The following ADAMTSL1 variants were observed in gnomAD, a reference collection of about 807,000 sequenced individuals.
The protein encoded by ADAMTSL1 is ADAMTS-like protein 1.
In ADAMTSL1, 126 loss-of-function variants were observed where a neutral mutation model predicts 201.8. The ratio of observed to expected loss-of-function variants is 0.62; its 90% CI spans 0.54 to 0.72. The LOEUF (loss-of-function observed/expected upper bound fraction) is 0.72, where lower values mean the gene tolerates loss of function less well. Ranked by LOEUF, ADAMTSL1 falls within the 30% of genes least tolerant of loss-of-function variation. The probability of loss-of-function intolerance (pLI) is 0.00; values close to 1 mark genes in which losing one functional copy is unlikely to be tolerated. For missense variants in ADAMTSL1, 2,679 were observed against 2,277.8 expected (o/e 1.18, Z -3.59); for synonymous variants, 1,121 against 903.4 (o/e 1.24, Z -4.32).
At chr9:18,751,639 C>T (rs1162587862) in intron 15 of ADAMTSL1, among the ~76,000 whole-genome samples, 1 of 152,192 alleles carries the variant, frequency 6.6e-6, no homozygotes, top group Non-Finnish European at 1.5e-5. Context: ...GACTCAGATG[C>T]GGGCCCTACA....
chr9:18,772,460 C>G (rs148386556), intron 17 of ADAMTSL1, among the ~76,000 whole-genome samples: 2 of 152,088 alleles, frequency 1.3e-5, no homozygotes, highest in South Asian at 2.1e-4. Context: ...GTACAGTAGG[C>G]CTTCAGAACA....
intron 15 of ADAMTSL1, among the ~76,000 whole-genome samples, chr9:18,725,859 T>C (rs1309961978): frequency 6.6e-6 from 1 of 152,222 alleles, no homozygotes; most frequent in African/African-American, 2.4e-5. Flanking sequence ...CTTTTTCCCT[T>C]TGTAAATGGG....
At chr9:17,950,346 T>C (rs1827684106) in intron 1 of ADAMTSL1, among the ~76,000 whole-genome samples, 1 of 152,042 alleles carries the variant, frequency 6.6e-6, no homozygotes. Flanking sequence ...AATTACATTT[T>C]GTTACATATT....
intron 2 of ADAMTSL1, among the ~76,000 whole-genome samples, chr9:18,329,240 A>C (rs2132896629): frequency 6.6e-6 from 1 of 152,340 alleles, no homozygotes; most frequent in African/African-American, 2.4e-5. Context: ...ACTGAATCTT[A>C]ATCTTGGGCT....
intron 2 of ADAMTSL1, among the ~76,000 whole-genome samples, chr9:18,426,816 C>T (rs1439251077): frequency 6.6e-6 from 1 of 152,148 alleles, no homozygotes; most frequent in Non-Finnish European, 1.5e-5. Flanking sequence ...AATTTTTATG[C>T]TCGTAATCTG....
chr9:17,907,144 T>A (rs908231476), intron 1 of ADAMTSL1, among the ~76,000 whole-genome samples: 2 of 152,188 alleles, frequency 1.3e-5, no homozygotes, highest in African/African-American at 4.8e-5. Flanking sequence ...CCCAGCTTCC[T>A]GGGACCCTGT....
At chr9:18,474,046 G>A (rs1432933211), upstream of ADAMTSL1, 8 of 544,624 alleles carry the variant, frequency 1.5e-5, no homozygotes, top group East Asian at 2.1e-4. Flanking sequence ...TGCTCCGAGA[G>A]AGATTCCATT....
chr9:18,762,642 C>T (rs180857135), intron 16 of ADAMTSL1, among the ~76,000 whole-genome samples: 2 of 152,084 alleles, frequency 1.3e-5, no homozygotes, highest in East Asian at 3.9e-4. Context: ...TCCCCCTCAG[C>T]CCCTCACTAC....
rs115857054 is a variant in ADAMTSL1 at position 17,958,740 on chromosome 9, G to A, written c.87+51818G>A. ...CCGTATTTCTTCCATGCCAAAGAAG[G>A]AAAAAAAGCCTTAAAAATTACATTG... On this transcript the variant is annotated intron_variant, in intron 1 of 29. Transcript: ENST00000680146. Among the ~76,000 whole-genome samples the A allele has an allele frequency of 2.9e-3, 436 of 151,992 alleles. 3 individuals carry two copies. The highest frequency in any genetic ancestry group is 0.01 in the African/African-American group (417 of 41,488).
chr9:18,580,752 G>T (rs991262054), intron 4 of ADAMTSL1, among the ~76,000 whole-genome samples: 2 of 151,996 alleles, frequency 1.3e-5, no homozygotes, highest in African/African-American at 4.8e-5. Context: ...TTTTACTTAG[G>T]AATTAACAGT....
chr9:17,994,437 C>T (rs1173617449), intron 1 of ADAMTSL1, among the ~76,000 whole-genome samples: 1 of 152,068 alleles, frequency 6.6e-6, no homozygotes, highest in Non-Finnish European at 1.5e-5. Flanking sequence ...TATAAAATAG[C>T]TCCTAAGACA....
chr9:18,538,504 C>T (rs531005592), intron 3 of ADAMTSL1, among the ~76,000 whole-genome samples: 27 of 152,100 alleles, frequency 1.8e-4, no homozygotes, highest in African/African-American at 3.9e-4. Flanking sequence ...CTGGGCTATA[C>T]TAGATTTGGA....
At chr9:18,784,861 C>G (rs1479220063) in intron 19 of ADAMTSL1, among the ~76,000 whole-genome samples, 1 of 152,192 alleles carries the variant, frequency 6.6e-6, no homozygotes, top group Admixed American at 6.5e-5. Flanking sequence ...CAAAGTCTCT[C>G]ACTTAAAAAG....
chr9:18,497,393 C>G (rs952078806), intron 1 of ADAMTSL1, among the ~76,000 whole-genome samples: 1 of 152,120 alleles, frequency 6.6e-6, no homozygotes, highest in African/African-American at 2.4e-5. Flanking sequence ...TGAGCACTCT[C>G]TAGGTCTAGA....
intron 2 of ADAMTSL1, among the ~76,000 whole-genome samples, chr9:18,527,319 G>T (rs1005211739): frequency 1.3e-5 from 2 of 152,160 alleles, no homozygotes; most frequent in Admixed American, 6.5e-5. Flanking sequence ...AAGTGCAATT[G>T]TCCTTAAAAA....
chr9:18,437,979 C>T (rs1819815726), intron 2 of ADAMTSL1, among the ~76,000 whole-genome samples: 1 of 152,124 alleles, frequency 6.6e-6, no homozygotes, highest in South Asian at 2.1e-4. Flanking sequence ...TGCTAATGCC[C>T]GCTGCTGTTG....
intron 2 of ADAMTSL1, among the ~76,000 whole-genome samples, chr9:18,513,824 T>C (rs1818187356): frequency 1.3e-5 from 2 of 152,236 alleles, no homozygotes; most frequent in African/African-American, 2.4e-5. Flanking sequence ...GGTGTATATG[T>C]CTGTCTTTAC....
At chr9:18,648,356 G>T (rs940031781) in intron 7 of ADAMTSL1, among the ~76,000 whole-genome samples, 1 of 150,956 alleles carries the variant, frequency 6.6e-6, no homozygotes, top group Non-Finnish European at 1.5e-5. Flanking sequence ...GCCAGTCTGT[G>T]TCTTTTAATT....
At chr9:18,745,551 G>T (rs1389393503) in intron 15 of ADAMTSL1, among the ~76,000 whole-genome samples, 2 of 152,104 alleles carry the variant, frequency 1.3e-5, no homozygotes, top group Non-Finnish European at 2.9e-5. Context: ...CCTTTTAATG[G>T]AGAATGGTAT....
Sources: gnomAD v4.1 joint callset for allele counts (sites outside exome capture counted in the v4.1 genomes callset) on GRCh38, gnomAD v4.1.1 for gene constraint, MANE v1.5 for transcripts, NCBI Gene and HGNC (gene_info 2026-07-23, HGNC 2026-07-21) for gene names.